Variants in SEL1L2 observed in about 807,000 individuals in gnomAD.
The protein encoded by SEL1L2 is protein sel-1 homolog 2.
Under a neutral mutation model 98.8 loss-of-function variants are expected in SEL1L2, and 89 were observed. The observed-to-expected ratio is 0.90, with a 90% CI of 0.76 to 1.07. The LOEUF (loss-of-function observed/expected upper bound fraction) is 1.07. Among genes scored for constraint, SEL1L2 ranks in the 50% least tolerant of loss-of-function variants. The probability of loss-of-function intolerance (pLI) is 0.00; values close to 1 mark genes in which losing one functional copy is unlikely to be tolerated. For missense variants in SEL1L2, 788 were observed against 812.0 expected, an observed-to-expected ratio of 0.97 and a Z score of 0.36; for synonymous variants, 262 against 278.5, an observed-to-expected ratio of 0.94 and a Z score of 0.59.
chr20:13,975,082 A>G (rs986281693), intron 1 of SEL1L2, among the ~76,000 whole-genome samples: 27 of 152,286 alleles, frequency 1.8e-4, no homozygotes, highest in African/African-American at 6.5e-4. Context: ...AGTCATAAGA[A>G]CCAGGTTTTT....
At chr20:13,860,979 C>A (rs1568835888) in intron 17 of SEL1L2, among the ~76,000 whole-genome samples, 1 of 152,072 alleles carries the variant, frequency 6.6e-6, no homozygotes, top group Non-Finnish European at 1.5e-5. Context: ...GGGAATTATT[C>A]CTAGTTCTTT....
At chr20:13,968,064 T>C (rs1261651764) in intron 1 of SEL1L2, among the ~76,000 whole-genome samples, 3 of 152,336 alleles carry the variant, frequency 2.0e-5, no homozygotes, top group East Asian at 1.9e-4. Context: ...TAATTTAGTG[T>C]CAGTGTCTTG....
chr20:13,901,096 A>C (rs1269100689), intron 5 of SEL1L2, among the ~76,000 whole-genome samples: 1 of 115,388 alleles, frequency 8.7e-6, no homozygotes, highest in South Asian at 2.7e-4. Context: ...TTTGAGACGG[A>C]GTCTTGCTCT....
chr20:13,905,167 T>C (rs1333701553), intron 5 of SEL1L2, among the ~76,000 whole-genome samples: 1 of 152,234 alleles, frequency 6.6e-6, no homozygotes, highest in East Asian at 1.9e-4. Context: ...TGGGTGATTT[T>C]GAATTAATTC....
intron 2 of SEL1L2, among the ~76,000 whole-genome samples, chr20:13,943,953 AAG>A (rs61248158): frequency 6.6e-6 from 1 of 151,802 alleles, no homozygotes; most frequent in South Asian, 2.1e-4. Flanking sequence ...GGAACCAATT[AAG>A]AGAGAGAGAG....
chr20:13,961,886 C>G (rs1185468695), intron 1 of SEL1L2, among the ~76,000 whole-genome samples: 2 of 152,196 alleles, frequency 1.3e-5, no homozygotes, highest in African/African-American at 4.8e-5. Context: ...TAGTATATCT[C>G]TCCTTTTGGG....
intron 5 of SEL1L2, among the ~76,000 whole-genome samples, chr20:13,898,653 T>C (rs13039593): frequency 0.23 from 34,611 of 152,144 alleles, 4,387 homozygotes; most frequent in Non-Finnish European, 0.28. Context: ...TCTCCTCCTG[T>C]CCATTCTTCA....
chr20:13,859,147 GTCCTC>G (rs1384232005), intron 18 of SEL1L2, 110 bp downstream of exon 18: 2 of 971,050 alleles, frequency 2.1e-6, no homozygotes, highest in Non-Finnish European at 3.1e-6. Flanking sequence ...CAAATGTTAA[GTCCTC>G]TCCTTCCTTC....
rs144990242 is a variant in SEL1L2, at chr20:13,881,101, C to T, written c.958-3513G>A. ...CAATCTCAGCTCACTGTTACCTCTG[C>T]CTCCCAGATTCAAGCGATTCTCCTG... On this transcript the variant is annotated intron_variant, in intron 10 of 19. Transcript: ENST00000284951. Among the ~76,000 whole-genome samples the T allele has an allele frequency of 1.8e-4, 27 of 152,308 alleles. No individual in the cohort carries two copies. In the East Asian group the frequency reaches 4.4e-3, roughly 25 times the overall value.
At chr20:13,979,803 T>C (rs1292220207) in intron 1 of SEL1L2, among the ~76,000 whole-genome samples, 1 of 152,146 alleles carries the variant, frequency 6.6e-6, no homozygotes, top group East Asian at 1.9e-4. Flanking sequence ...GCCTGGGTAG[T>C]GATTTCTTAA....
chr20:13,922,494 A>G (rs2048709909), intron 3 of SEL1L2, among the ~76,000 whole-genome samples: 1 of 152,224 alleles, frequency 6.6e-6, no homozygotes, highest in Non-Finnish European at 1.5e-5. Context: ...AAATGTGAAG[A>G]ACTCTTCTGA....
chr20:13,927,714 G>C (rs117548926), intron 3 of SEL1L2, among the ~76,000 whole-genome samples: 302 of 152,258 alleles, frequency 2.0e-3, no homozygotes, highest in Non-Finnish European at 3.1e-3. Context: ...CATATCCTGT[G>C]CACAAAATGT....
In SEL1L2 at chr20:13,919,052, G is replaced by A. The variant is rs1168525949; in HGVS notation, c.355C>T (p.Gln119Ter). 2 of 1,613,562 alleles carry A rather than the reference G, an allele frequency of 1.2e-6. No individual in the cohort carries two copies. The highest frequency in any genetic ancestry group is 1.7e-6 in the Non-Finnish European group (2 of 1,179,712). ...QLFKMGIKVL[Q>*]QSKSQKQKEE... ...TTTTGTTTTTGGCTTTTAGACTGCT[G>A]GAGAACCTTGATGCCCATCTTAAAT... Residue 119 changes from glutamine to a stop codon, truncating the protein, a stop_gained, in exon 4 of 20, where the codon CAG becomes TAG. Coordinates refer to ENST00000284951, the MANE Select transcript of SEL1L2 (RefSeq NM_025229.2). LOFTEE classifies it high-confidence loss of function.
intron 1 of SEL1L2, among the ~76,000 whole-genome samples, chr20:13,971,406 T>C (rs2148509099): frequency 6.6e-6 from 1 of 152,306 alleles, no homozygotes; most frequent in East Asian, 1.9e-4. Flanking sequence ...AGTTTTGTTT[T>C]TACAATGTAC....
In SEL1L2 at chr20:13,869,553, G is replaced by T. The variant is rs375921552; in HGVS notation, c.1205C>A (p.Ala402Glu). 3 of 1,613,834 alleles carry T rather than the reference G, an allele frequency of 1.9e-6. No homozygotes were observed. The highest frequency in any genetic ancestry group is 2.5e-6 in the Non-Finnish European group (3 of 1,179,978). The change falls in exon 14 of 20, where the codon GCG (alanine) becomes GAG (glutamate). Residue 402 changes from alanine (A) to glutamate (E), a missense_variant. By Grantham distance (107) the Ala-to-Glu change is moderately radical. Transcript: ENST00000284951. ...AEALKYFQKA[A>E]EKGWPDAQFQ... ...CTGTGCGTCGGGCCACCCTTTTTCC[G>T]CAGCTTTCTGAAAGTATTTAAGTGC... is the stretch of plus-strand genomic sequence containing the variant.
Position 13,886,475 on chromosome 20 carries a change from A to G in SEL1L2, c.746-33T>C, listed in dbSNP as rs1468008820. The G allele has an allele frequency of 3.1e-6, 5 of 1,594,064 alleles. No individual in the cohort carries two copies. The Admixed American group carries it at 8.5e-5, about 27-fold the overall frequency. On this transcript the variant is annotated intron_variant, in intron 8 of 19. Transcript: ENST00000284951. ...TAAAAACAAGCCAGAGAATAGCTAG[A>G]AAACAGAGGCTGCAAGAGATAACAG...
intron 5 of SEL1L2, among the ~76,000 whole-genome samples, chr20:13,891,079 G>A (rs1350699184): frequency 6.6e-6 from 1 of 151,892 alleles, no homozygotes; most frequent in African/African-American, 2.4e-5. Flanking sequence ...AGAGAGAAAG[G>A]GACAGAGAGG....
At chr20:13,943,165 C>A (rs1020812643) in intron 2 of SEL1L2, among the ~76,000 whole-genome samples, 2 of 152,134 alleles carry the variant, frequency 1.3e-5, no homozygotes, top group Admixed American at 1.3e-4. Context: ...ATTTGCATAT[C>A]CACCTTCTAA....
chr20:13,850,060 A>G, intron 19 of SEL1L2, 131 bp downstream of exon 19: 1 of 977,538 alleles, frequency 1.0e-6, no homozygotes. Flanking sequence ...GGCAAGTGTA[A>G]GACTCTGAAT....
Sources: allele counts gnomAD v4.1 joint callset (sites outside exome capture counted in the v4.1 genomes callset), GRCh38; gene constraint gnomAD v4.1.1; transcripts MANE v1.5; gene names NCBI Gene and HGNC (gene_info 2026-07-23, HGNC 2026-07-21).